The following CCDC178 variants were observed in gnomAD, a reference collection of about 807,000 sequenced individuals.
CCDC178 encodes the protein coiled-coil domain-containing protein 178.
Under a neutral mutation model 117.4 loss-of-function variants are expected in CCDC178, and 126 were observed. That is an observed-to-expected ratio of 1.07 (90% CI 0.93 to 1.24). CCDC178 has a LOEUF of 1.24. CCDC178 is among the 50% of genes most tolerant of loss of function. The pLI is 0.00. For synonymous variants in CCDC178, 283 were observed against 313.4 expected (o/e 0.90, Z 1.02); for missense variants, 1,030 against 986.9 (o/e 1.04, Z -0.59).
intron 21 of CCDC178, among the ~76,000 whole-genome samples, chr18:33,068,510 T>C (rs767528759): frequency 6.6e-5 from 10 of 151,814 alleles, no homozygotes; most frequent in Non-Finnish European, 1.0e-4. Flanking sequence ...CAAGGATGGT[T>C]CAACATTTAA....
At chr18:32,983,571 G>A (rs924471530) in intron 21 of CCDC178, among the ~76,000 whole-genome samples, 1 of 151,978 alleles carries the variant, frequency 6.6e-6, no homozygotes, top group African/African-American at 2.4e-5. Flanking sequence ...GACAAAATAC[G>A]ATAAAGGCCA....
At chr18:33,134,789 T>G (rs1042961792) in intron 20 of CCDC178, among the ~76,000 whole-genome samples, 1 of 152,092 alleles carries the variant, frequency 6.6e-6, no homozygotes, top group African/African-American at 2.4e-5. Context: ...TATGAAAGAT[T>G]GAGTTTTCAC....
At chr18:33,195,739 C>T (rs929411302) in intron 20 of CCDC178, among the ~76,000 whole-genome samples, 4 of 152,152 alleles carry the variant, frequency 2.6e-5, no homozygotes, top group Non-Finnish European at 5.9e-5. Flanking sequence ...TCTTAGGACA[C>T]AAGGCTATAT....
At chr18:33,318,651 T>G (rs954077026) in intron 11 of CCDC178, among the ~76,000 whole-genome samples, 1 of 151,808 alleles carries the variant, frequency 6.6e-6, no homozygotes, top group African/African-American at 2.4e-5. Flanking sequence ...TAATGAAAAA[T>G]CCAATACATA....
intron 9 of CCDC178, among the ~76,000 whole-genome samples, chr18:33,335,280 T>C (rs2062724368): frequency 1.3e-5 from 2 of 152,066 alleles, no homozygotes; most frequent in Admixed American, 6.5e-5. Context: ...GACTTGGATT[T>C]TTCCCATACA....
At chr18:33,239,391 A>C (rs192362498) in intron 15 of CCDC178, among the ~76,000 whole-genome samples, 1 of 152,078 alleles carries the variant, frequency 6.6e-6, no homozygotes, top group East Asian at 1.9e-4. Flanking sequence ...TAAATTCCTC[A>C]TTTAAAAGAT....
intron 2 of CCDC178, among the ~76,000 whole-genome samples, chr18:33,434,766 C>A (rs928090020): frequency 6.6e-6 from 1 of 152,068 alleles, no homozygotes; most frequent in Non-Finnish European, 1.5e-5. Flanking sequence ...CACATGGGGA[C>A]GTGAAATGAT....
intron 20 of CCDC178, among the ~76,000 whole-genome samples, chr18:33,179,556 T>C (rs921524936): frequency 6.6e-6 from 1 of 152,034 alleles, no homozygotes; most frequent in Non-Finnish European, 1.5e-5. Flanking sequence ...AGCAAACTAA[T>C]GTCTCTCTCT....
intron 20 of CCDC178, among the ~76,000 whole-genome samples, chr18:33,180,082 A>G (rs533726821): frequency 9.2e-5 from 14 of 151,980 alleles, no homozygotes; most frequent in Admixed American, 2.6e-4. Flanking sequence ...ATAAACGTAC[A>G]TTAAATTTTT....
In CCDC178 at chr18:33,261,432, G is replaced by A. The variant is rs1262573842; in HGVS notation, c.1409+5484C>T. ...TGGCCAAGGTATGCCCCCCTCTATT[G>A]ATTTACATCTTCTTTAATTTGCTTC... On this transcript the variant is annotated intron_variant, in intron 14 of 22. Transcript: ENST00000383096. 2.0e-5 allele frequency among the ~76,000 whole-genome samples: 3 copies of A among 152,082 alleles called. No homozygotes were observed. In the East Asian group the frequency reaches 5.8e-4, roughly 29 times the overall value.
intron 21 of CCDC178, among the ~76,000 whole-genome samples, chr18:33,041,257 C>T (rs2056544942): frequency 6.6e-6 from 1 of 151,612 alleles, no homozygotes; most frequent in South Asian, 2.1e-4. Flanking sequence ...ATTCAAACTT[C>T]TAAATTCCAG....
chr18:33,396,878 GA>G (rs961052224), intron 4 of CCDC178, among the ~76,000 whole-genome samples: 1 of 151,810 alleles, frequency 6.6e-6, no homozygotes, highest in Non-Finnish European at 1.5e-5. Context: ...AATCATTTAT[GA>G]AAAAAACCCA....
intron 21 of CCDC178, among the ~76,000 whole-genome samples, chr18:33,019,192 ATAAAT>A (rs1008562469): frequency 1.3e-5 from 2 of 152,232 alleles, no homozygotes; most frequent in African/African-American, 4.8e-5. Context: ...TGATTTAAAA[ATAAAT>A]GAATGAATAA....
intron 11 of CCDC178, among the ~76,000 whole-genome samples, chr18:33,302,898 A>G (rs2062196338): frequency 6.6e-6 from 1 of 152,142 alleles, no homozygotes; most frequent in South Asian, 2.1e-4. Flanking sequence ...GATTTTTCAA[A>G]GGATACACAA....
intron 11 of CCDC178, among the ~76,000 whole-genome samples, chr18:33,310,662 G>A (rs2062328288): frequency 1.3e-5 from 2 of 151,996 alleles, no homozygotes; most frequent in African/African-American, 2.4e-5. Context: ...TTCCAGTCTG[G>A]GTGACAGAGT....
intron 20 of CCDC178, among the ~76,000 whole-genome samples, chr18:33,187,777 T>C (rs2058814580): frequency 6.6e-6 from 1 of 152,140 alleles, no homozygotes; most frequent in Non-Finnish European, 1.5e-5. Flanking sequence ...ATTTGAGTGG[T>C]GAGTTATCTA....
chr18:33,191,974 C>T (rs1168241252), intron 20 of CCDC178, among the ~76,000 whole-genome samples: 2 of 152,104 alleles, frequency 1.3e-5, no homozygotes, highest in Non-Finnish European at 2.9e-5. Flanking sequence ...TAAAGTTGCA[C>T]ATGTTCTGTT....
At chr18:33,315,990 G>T (rs1343635399) in intron 11 of CCDC178, among the ~76,000 whole-genome samples, 1 of 152,186 alleles carries the variant, frequency 6.6e-6, no homozygotes, top group Non-Finnish European at 1.5e-5. Context: ...GAGTGGACAC[G>T]TTCCTCCTCT....
At chr18:33,420,077 A>T (rs938692369) in intron 2 of CCDC178, among the ~76,000 whole-genome samples, 1 of 152,228 alleles carries the variant, frequency 6.6e-6, no homozygotes, top group Non-Finnish European at 1.5e-5. Context: ...GATAAAGAAA[A>T]CATGGAATGT....
Sources: allele counts gnomAD v4.1 joint callset (sites outside exome capture counted in the v4.1 genomes callset), GRCh38; gene constraint gnomAD v4.1.1; transcripts MANE v1.5; gene names NCBI Gene and HGNC (gene_info 2026-07-23, HGNC 2026-07-21).